Variants in MYL1 observed in about 807,000 individuals in gnomAD.
MYL1 encodes the protein myosin light chain 1/3, skeletal muscle isoform.
A neutral mutation model predicts 21.8 loss-of-function variants in MYL1; 16 were observed. The ratio of observed to expected loss-of-function variants is 0.74; its 90% CI spans 0.50 to 1.12. The LOEUF (loss-of-function observed/expected upper bound fraction) is 1.12. Among genes scored for constraint, MYL1 ranks in the 50% most tolerant of loss-of-function variants. The pLI, the probability that MYL1 is intolerant of heterozygous loss-of-function variation, is 0.00. For synonymous variants in MYL1, 99 were observed against 85.2 expected, an observed-to-expected ratio of 1.16 and a Z score of -0.89; for missense variants, 246 against 241.0, an observed-to-expected ratio of 1.02 and a Z score of -0.14.
At chr2:210,300,842 A>G (rs1690254263) in intron 2 of MYL1, among the ~76,000 whole-genome samples, 1 of 152,166 alleles carries the variant, frequency 6.6e-6, no homozygotes, top group South Asian at 2.1e-4. Flanking sequence ...AGATTCCAAT[A>G]GAGCAGCCAT....
chr2:210,315,086 C>CA lies in MYL1; in HGVS notation c.-45dup. ...GGGTTAAAAAGAGAAGGAGTTCCTC[C>CA]AAAAGAACCTGTCAAAATGATTCTT... is the stretch of plus-strand genomic sequence containing the variant. On this transcript the variant is annotated 5_prime_UTR_variant, in exon 1 of 7. Transcript: ENST00000352451. The CA allele has an allele frequency of 2.5e-6, 4 of 1,583,392 alleles. No individual in the cohort carries two copies. Among genetic ancestry groups the CA allele is most frequent in the Non-Finnish European group, 3.4e-6 (4 of 1,172,878 alleles).
intron 1 of MYL1, among the ~76,000 whole-genome samples, chr2:210,312,967 T>A (rs1690438717): frequency 6.6e-6 from 1 of 151,970 alleles, no homozygotes; most frequent in South Asian, 2.1e-4. Flanking sequence ...GACAGACGAA[T>A]GTCAATATGT....
intron 6 of MYL1, among the ~76,000 whole-genome samples, chr2:210,290,791 C>G (rs951078418): frequency 1.3e-5 from 2 of 152,036 alleles, no homozygotes; most frequent in African/African-American, 2.4e-5. Flanking sequence ...AATTGCAGTA[C>G]AGTCACAAAG....
intron 1 of MYL1, among the ~76,000 whole-genome samples, chr2:210,304,466 A>G (rs1690310000): frequency 6.6e-6 from 1 of 151,992 alleles, no homozygotes; most frequent in South Asian, 2.1e-4. Context: ...CTTGGCAAAC[A>G]CTCTATGGCT....
intron 1 of MYL1, among the ~76,000 whole-genome samples, chr2:210,303,894 T>C (rs780200891): frequency 1.3e-5 from 2 of 152,162 alleles, no homozygotes; most frequent in Non-Finnish European, 2.9e-5. Flanking sequence ...TCCTATTTGT[T>C]TGATGGCAGA....
In MYL1 at chr2:210,298,433, G is replaced by A; in HGVS notation, c.291C>T (p.Asn97=). Residue 97 remains asparagine, a synonymous_variant, in exon 3 of 7, where the codon AAC becomes AAT. Transcript: ENST00000352451. Reference sequence around the variant, plus strand: ...TTGATGGGTTACCTTCATTGCTGGGGTTTCCCAGAACTTTCCTGACCTCTG... The same window carrying A: ...TTGATGGGTTACCTTCATTGCTGGGATTTCCCAGAACTTTCCTGACCTCTG... ...TNAEVRKVLG[N]PSNEELNAKK... 3 of 1,613,572 alleles carry A rather than the reference G, an allele frequency of 1.9e-6. No homozygotes were observed. Among genetic ancestry groups the A allele is most frequent in the Non-Finnish European group, 1.7e-6 (2 of 1,179,908 alleles).
intron 1 of MYL1, among the ~76,000 whole-genome samples, chr2:210,312,247 A>T (rs1262754838): frequency 6.6e-6 from 1 of 151,986 alleles, no homozygotes; most frequent in Non-Finnish European, 1.5e-5. Flanking sequence ...CTACAGCATT[A>T]CTCAAAGTCT....
chr2:210,307,810 C>T (rs75664346), intron 1 of MYL1, among the ~76,000 whole-genome samples: 7,453 of 152,218 alleles, frequency 0.049, 367 homozygotes, highest in East Asian at 0.3. Context: ...ACTAATTAAA[C>T]ATCAGATAAT....
chr2:210,293,654 T>C, intron 5 of MYL1, 69 bp downstream of exon 5: 1 of 1,325,832 alleles, frequency 7.5e-7, no homozygotes, highest in Non-Finnish European at 1.1e-6. Flanking sequence ...GAAAAGAAGC[T>C]CAAAAGGAGC....
intron 2 of MYL1, among the ~76,000 whole-genome samples, chr2:210,298,780 A>T (rs1305839678): frequency 6.6e-6 from 1 of 152,126 alleles, no homozygotes; most frequent in Non-Finnish European, 1.5e-5. Flanking sequence ...TTCCAACTTT[A>T]AGTTGCCTGT....
chr2:210,308,342 G>T (rs1355573542), intron 1 of MYL1, among the ~76,000 whole-genome samples: 1 of 140,808 alleles, frequency 7.1e-6, no homozygotes, highest in Non-Finnish European at 1.5e-5. Context: ...AATAACTCAA[G>T]TCGAAGGAAA....
chr2:210,310,951 G>T (rs1690411057), intron 1 of MYL1, among the ~76,000 whole-genome samples: 1 of 151,940 alleles, frequency 6.6e-6, no homozygotes, highest in Non-Finnish European at 1.5e-5. Context: ...TTAAACCCTA[G>T]GTCCATCACT....
At chr2:210,298,694 G>A (rs1690218751) in intron 2 of MYL1, 131 bp from the exon 3 acceptor site, 1 of 997,232 alleles carries the variant, frequency 1.0e-6, no homozygotes, top group Non-Finnish European at 1.4e-6. Context: ...TTGTTATCCT[G>A]GATTCTCTTT....
In MYL1 at chr2:210,302,550, A is replaced by T. The variant is rs201092609; in HGVS notation, c.133-35T>A. Reference sequence around the variant, plus strand: ...AGAAATTGACCACAAAGAATGTTTTAACCAAACAAAAATGTGCTGATTTTT... The same window carrying T: ...AGAAATTGACCACAAAGAATGTTTTTACCAAACAAAAATGTGCTGATTTTT... On this transcript the variant is annotated intron_variant, in intron 1 of 6. Coordinates refer to ENST00000352451, the MANE Select transcript of MYL1 (RefSeq NM_079420.3). 5.7e-5 allele frequency: 91 copies of T among 1,599,186 alleles called. 1 individual carries two copies. The East Asian group carries it at 1.8e-3, about 31-fold the overall frequency.
chr2:210,303,811 A>G (rs1200160307), intron 1 of MYL1, among the ~76,000 whole-genome samples: 3 of 152,146 alleles, frequency 2.0e-5, no homozygotes, highest in Non-Finnish European at 4.4e-5. Flanking sequence ...CCATAGTGAG[A>G]TGGAAGCCTG....
At chr2:210,308,458 T>C (rs1372952031) in intron 1 of MYL1, among the ~76,000 whole-genome samples, 2 of 132,646 alleles carry the variant, frequency 1.5e-5, no homozygotes, top group Admixed American at 7.7e-5. Flanking sequence ...CACTATAATA[T>C]GGTATAAACA....
intron 1 of MYL1, among the ~76,000 whole-genome samples, chr2:210,303,305 G>A (rs1286326525): frequency 1.3e-5 from 2 of 152,182 alleles, no homozygotes; most frequent in East Asian, 1.9e-4. Context: ...TACAGCAAGA[G>A]TTGGTGAAGC....
At chr2:210,291,005 A>G (rs1690066452) in intron 6 of MYL1, 27 bp downstream of exon 6, 2 of 1,488,514 alleles carry the variant, frequency 1.3e-6, no homozygotes, top group Admixed American at 1.9e-5. Flanking sequence ...GAAATCCTTA[A>G]ATATTAAAGA....
intron 5 of MYL1, 98 bp from the exon 6 acceptor site, chr2:210,291,172 A>G: frequency 1.1e-6 from 1 of 919,112 alleles, no homozygotes; most frequent in Non-Finnish European, 1.7e-6. Flanking sequence ...TCCTATTTTT[A>G]GCTGTAACAA....
Sources: allele counts gnomAD v4.1 joint callset (sites outside exome capture counted in the v4.1 genomes callset), GRCh38; gene constraint gnomAD v4.1.1; transcripts MANE v1.5; gene names NCBI Gene and HGNC (gene_info 2026-07-23, HGNC 2026-07-21).